The following CAMK2A variants were observed in gnomAD, a reference collection of about 807,000 sequenced individuals.
The protein encoded by CAMK2A is calcium/calmodulin dependent protein kinase II alpha.
In CAMK2A, 7 loss-of-function variants were observed where a neutral mutation model predicts 79.2. The ratio of observed to expected loss-of-function variants is 0.09; its 90% confidence interval spans 0.05 to 0.17. The LOEUF is 0.17. CAMK2A is among the 10% of genes least tolerant of loss of function. The pLI is 1.00. For synonymous variants in CAMK2A, 242 were observed against 251.7 expected (o/e 0.96, Z 0.36); for missense variants, 214 against 646.4 (o/e 0.33, Z 7.25).
chr5:150,241,309 G>A (rs77337789), intron 13 of CAMK2A, among the ~76,000 whole-genome samples: 26 of 151,482 alleles, frequency 1.7e-4, no homozygotes, highest in East Asian at 1.2e-3. Flanking sequence ...TCATCTCCCC[G>A]ATTCCCTTCC....
chr5:150,257,735 T>G, intron 3 of CAMK2A, 118 bp from the exon 4 acceptor site: 1 of 778,350 alleles, frequency 1.3e-6, no homozygotes, highest in East Asian at 2.7e-5. Flanking sequence ...TCACTGAGTA[T>G]ACACCAGGTG....
intron 1 of CAMK2A, among the ~76,000 whole-genome samples, chr5:150,276,784 G>A (rs1178000351): frequency 2.0e-5 from 3 of 152,158 alleles, no homozygotes; most frequent in African/African-American, 7.2e-5. Context: ...ATATGTGGGT[G>A]GATGGAGGGA....
chr5:150,252,138 G>A (rs1755863971), intron 7 of CAMK2A, 73 bp from the exon 8 acceptor site: 4 of 1,130,578 alleles, frequency 3.5e-6, no homozygotes, highest in African/African-American at 3.1e-5. Flanking sequence ...GCAAGATCCT[G>A]CTGGAAGAGG....
chr5:150,239,865 G>T, intron 13 of CAMK2A, 129 bp from the exon 14 acceptor site: 2 of 800,366 alleles, frequency 2.5e-6, no homozygotes, highest in Non-Finnish European at 4.4e-6. Flanking sequence ...TCCTTTGTCG[G>T]CTTGGCATCG....
At chr5:150,273,003 G>A (rs1756813415) in intron 2 of CAMK2A, 62 bp downstream of exon 2, 1 of 1,319,030 alleles carries the variant, frequency 7.6e-7, no homozygotes, top group Non-Finnish European at 1.1e-6. Flanking sequence ...AAACCAAGCA[G>A]TACAGGTAAG....
chr5:150,247,579 C>T (rs1286863268), intron 12 of CAMK2A, among the ~76,000 whole-genome samples, 193 bp downstream of exon 12: 1 of 152,198 alleles, frequency 6.6e-6, no homozygotes, highest in African/African-American at 2.4e-5. Flanking sequence ...GGGCCCTGGG[C>T]TTGCTGACTT....
At chr5:150,259,842 G>A (rs1030219453) in intron 3 of CAMK2A, among the ~76,000 whole-genome samples, 7 of 152,132 alleles carry the variant, frequency 4.6e-5, no homozygotes, top group Admixed American at 6.5e-5. Flanking sequence ...GGTGGCAGAC[G>A]CCTGGAGTCC....
chr5:150,232,767 C>T (rs1201672841), intron 15 of CAMK2A, among the ~76,000 whole-genome samples: 1 of 152,200 alleles, frequency 6.6e-6, no homozygotes, highest in Non-Finnish European at 1.5e-5. Flanking sequence ...CACCAGTTGC[C>T]CACACCACAC....
intron 17 of CAMK2A, among the ~76,000 whole-genome samples, chr5:150,224,032 G>T (rs1168630317): frequency 6.6e-6 from 1 of 152,204 alleles, no homozygotes; most frequent in East Asian, 1.9e-4. Flanking sequence ...GATGGTATTG[G>T]TGGTCATGGG....
At position 150,253,315 on chromosome 5, in the gene CAMK2A, C is replaced by T. The variant is rs560600165; in HGVS notation, c.514+129G>A. ...GAGGCTGGGTGGGACAGGGCCTCTG[C>T]TCTACCAGCCCCGGCTGGCCCAACA... On this transcript the variant is annotated intron_variant, in intron 7 of 18. Transcript: ENST00000671881. 1.5e-5 allele frequency: 11 copies of T among 715,078 alleles called. No homozygotes were observed. In the East Asian group the frequency reaches 1.9e-4, roughly 12 times the overall value. The allele number at this position is 715,078 out of a possible 1,614,324, so 44.3% of individuals were successfully genotyped here.
chr5:150,245,272 C>A, intron 12 of CAMK2A, 71 bp from the exon 13 acceptor site: 1 of 1,468,730 alleles, frequency 6.8e-7, no homozygotes, highest in Non-Finnish European at 9.5e-7. Flanking sequence ...CGAGGACGAG[C>A]AGCATCCACA....
In CAMK2A at chr5:150,219,965, G is replaced by A. The variant is rs1754225319; in HGVS notation, c.*2745C>T. The A allele has an allele frequency of 6.6e-6, 1 of 152,658 alleles. No individual in the cohort carries two copies. Among genetic ancestry groups the A allele is most frequent in the Non-Finnish European group, 1.5e-5 (1 of 68,032 alleles). 9.5% of individuals were successfully genotyped at this position (152,658 alleles called of 1,614,324 possible). ...GGGTAGGCTCTGGGCAGATTTTTCT[G>A]TGAGTCTCCCCTGCCTGCCACATCA... On this transcript the variant is annotated 3_prime_UTR_variant, in exon 19 of 19. Transcript: ENST00000671881.
chr5:150,225,983 G>T (rs1012261658), intron 17 of CAMK2A, among the ~76,000 whole-genome samples: 9 of 152,288 alleles, frequency 5.9e-5, no homozygotes, highest in African/African-American at 2.2e-4. Flanking sequence ...GACCTCAGGT[G>T]ATCCTCCCAA....
intron 13 of CAMK2A, 101 bp from the exon 14 acceptor site, chr5:150,239,837 C>T (rs1052317892): frequency 1.2e-5 from 12 of 963,998 alleles, no homozygotes; most frequent in Middle Eastern, 2.1e-4. Context: ...GGATGGGCCT[C>T]GGGGTCATCC....
intron 12 of CAMK2A, among the ~76,000 whole-genome samples, chr5:150,246,534 C>T (rs892183452): frequency 2.0e-5 from 3 of 152,152 alleles, no homozygotes; most frequent in Admixed American, 6.5e-5. Context: ...ATTTTTAAAA[C>T]ACCCCTACCT....
At chr5:150,285,876 G>A (rs991801437) in intron 1 of CAMK2A, among the ~76,000 whole-genome samples, 11 of 152,118 alleles carry the variant, frequency 7.2e-5, no homozygotes, top group Non-Finnish European at 1.3e-4. Context: ...ACCTCTCCTG[G>A]GGGTAGGATC....
chr5:150,288,920 C>T (rs866547638), intron 1 of CAMK2A, among the ~76,000 whole-genome samples: 2 of 152,212 alleles, frequency 1.3e-5, no homozygotes, highest in African/African-American at 2.4e-5. Flanking sequence ...CCTGAAACAG[C>T]GGTGCTCCCC....
chr5:150,238,086 C>T (rs567203979), intron 15 of CAMK2A, among the ~76,000 whole-genome samples: 48 of 152,210 alleles, frequency 3.2e-4, no homozygotes, highest in Non-Finnish European at 6.2e-4. Flanking sequence ...AACATGTATA[C>T]CATTACCAAA....
intron 2 of CAMK2A, among the ~76,000 whole-genome samples, chr5:150,266,411 T>TC (rs1756515720): frequency 6.6e-6 from 1 of 152,206 alleles, no homozygotes; most frequent in African/African-American, 2.4e-5. Flanking sequence ...TTTTTGGTGC[T>TC]TTTTTCACAA....
Sources: allele counts gnomAD v4.1 joint callset (sites outside exome capture counted in the v4.1 genomes callset), GRCh38; gene constraint gnomAD v4.1.1; transcripts MANE v1.5; gene names NCBI Gene and HGNC (gene_info 2026-07-23, HGNC 2026-07-21).